Variants in BICRAL observed in about 807,000 individuals in gnomAD.
The protein encoded by BICRAL is BRD4-interacting chromatin-remodeling complex-associated protein-like.
BICRAL carries 8 observed loss-of-function variants against 91.8 expected under a neutral mutation model. The observed-to-expected ratio is 0.09, with a 90% CI of 0.05 to 0.16. BICRAL has a LOEUF of 0.16. Among genes scored for constraint, BICRAL ranks in the 10% least tolerant of loss-of-function variants. The probability of loss-of-function intolerance (pLI) is 1.00; values close to 1 mark genes in which losing one functional copy is unlikely to be tolerated. For missense variants in BICRAL, 1,038 were observed against 1,310.9 expected, an observed-to-expected ratio of 0.79 and a Z score of 3.21; for synonymous variants, 445 against 491.1, an observed-to-expected ratio of 0.91 and a Z score of 1.24.
At chr6:42,804,345 A>T (rs1429240412) in intron 1 of BICRAL, among the ~76,000 whole-genome samples, 1 of 152,172 alleles carries the variant, frequency 6.6e-6, no homozygotes, top group Non-Finnish European at 1.5e-5. Context: ...TTAAGGGACC[A>T]TAATCATATA....
At position 42,814,499 on chromosome 6, in the gene BICRAL, G is replaced by A. The variant is rs4276487; in HGVS notation, c.-6+4098G>A. Among the ~76,000 whole-genome samples the A allele has an allele frequency of 3.5e-3, 214 of 61,268 alleles. 5 individuals carry two copies. The highest frequency in any genetic ancestry group is 0.033 in the East Asian group (66 of 1,996). 40.2% of individuals were successfully genotyped at this position (61,268 alleles called of 152,430 possible). A position where few individuals can be genotyped will look rare whatever the true frequency, so the allele number is the denominator to read the frequency against. ...CATGCATGTGTGTGTGTGTGTGTGT[G>A]TATATATATATATATATATATTTTT... On this transcript the variant is annotated intron_variant, in intron 2 of 12. Coordinates refer to ENST00000314073, the MANE Select transcript of BICRAL (RefSeq NM_001393499.1).
chr6:42,849,230 G>C (rs1428409387), intron 6 of BICRAL, among the ~76,000 whole-genome samples: 2 of 152,040 alleles, frequency 1.3e-5, no homozygotes, highest in African/African-American at 4.8e-5. Flanking sequence ...TGAGACCACA[G>C]GCATGTGCCA....
rs1207429482 is a variant in BICRAL at position 42,794,794 on chromosome 6, C to CAAA, written c.-102+12709_-102+12711dup. ...TGAAACCCCCTCTCTACTAAAAATACAAAAAAAAAAAAAAAAAATAGCCGG... is the reference window on the plus strand; with the variant it reads ...TGAAACCCCCTCTCTACTAAAAATACAAAAAAAAAAAAAAAAAAAAATAGCCGG... On this transcript the variant is annotated intron_variant, in intron 1 of 12. Coordinates refer to ENST00000314073, the MANE Select transcript of BICRAL (RefSeq NM_001393499.1). 2.4e-3 allele frequency among the ~76,000 whole-genome samples: 233 copies of CAAA among 95,210 alleles called. 3 individuals carry two copies. Among genetic ancestry groups the CAAA allele is most frequent in the African/African-American group, 5.3e-3 (122 of 22,926 alleles). 62.5% of individuals were successfully genotyped at this position (95,210 alleles called of 152,430 possible).
Position 42,858,438 on chromosome 6 carries a change from C to A in BICRAL, c.2254+1202C>A, listed in dbSNP as rs573154561. ...GGCTGAGGCAGGAGAATCGTTTGAA[C>A]CTGGAAGGCAGAGGTTGCAGTGAGC... is the stretch of plus-strand genomic sequence containing the variant. On this transcript the variant is annotated intron_variant, in intron 10 of 12. Transcript: ENST00000314073. Among the ~76,000 whole-genome samples, 15 of 149,654 alleles carry A rather than the reference C, an allele frequency of 1.0e-4. No individual in the cohort carries two copies. In the South Asian group the frequency reaches 3.2e-3, roughly 32 times the overall value.
intron 1 of BICRAL, among the ~76,000 whole-genome samples, chr6:42,772,887 T>G (rs1273093920): frequency 6.6e-6 from 1 of 152,080 alleles, no homozygotes; most frequent in East Asian, 1.9e-4. Flanking sequence ...AAGCTTCACC[T>G]CCGCCCTGTG....
intron 1 of BICRAL, among the ~76,000 whole-genome samples, chr6:42,782,343 T>G (rs868861021): frequency 0.057 from 965 of 16,970 alleles, 54 homozygotes; most frequent in African/African-American, 0.17. Flanking sequence ...TTTTTTTTTT[T>G]GGGGGGGGGT....
chr6:42,770,446 C>T (rs1191222761), intron 1 of BICRAL, among the ~76,000 whole-genome samples: 1 of 138,944 alleles, frequency 7.2e-6, no homozygotes, highest in Non-Finnish European at 1.5e-5. Context: ...CGGAGCCTTG[C>T]TCATATTGCC....
At chr6:42,798,275 C>G (rs1279180373) in intron 1 of BICRAL, among the ~76,000 whole-genome samples, 1 of 151,916 alleles carries the variant, frequency 6.6e-6, no homozygotes, top group African/African-American at 2.4e-5. Context: ...ACTGAAAGCC[C>G]AATCCCCACC....
chr6:42,784,065 A>T (rs1763029256), intron 1 of BICRAL, among the ~76,000 whole-genome samples: 1 of 152,278 alleles, frequency 6.6e-6, no homozygotes. Flanking sequence ...CTCTAAAACA[A>T]CCCTGAGGAG....
intron 1 of BICRAL, among the ~76,000 whole-genome samples, chr6:42,799,989 C>T (rs886578541): frequency 1.3e-5 from 2 of 152,086 alleles, no homozygotes; most frequent in Admixed American, 6.6e-5. Context: ...GAGCAATTCT[C>T]CTGCCTCAGC....
At chr6:42,817,852 C>T (rs899290711) in intron 2 of BICRAL, among the ~76,000 whole-genome samples, 4 of 151,328 alleles carry the variant, frequency 2.6e-5, no homozygotes, top group African/African-American at 7.3e-5. Context: ...AGAATACCCA[C>T]GTGACAGCTG....
chr6:42,792,588 C>T lies in BICRAL; in HGVS notation c.-102+10487C>T, dbSNP rs569492767. Among the ~76,000 whole-genome samples, 4 of 151,970 alleles carry T rather than the reference C, an allele frequency of 2.6e-5. No individual in the cohort carries two copies. In the South Asian group the frequency reaches 8.3e-4, roughly 32 times the overall value. Reference sequence around the variant, plus strand: ...CCGCTTGGCCTAGATTTCATTTAACCCTGAGACTTTTTAGAAGTGCAAATA... The same window carrying T: ...CCGCTTGGCCTAGATTTCATTTAACTCTGAGACTTTTTAGAAGTGCAAATA... On this transcript the variant is annotated intron_variant, in intron 1 of 12. Coordinates refer to ENST00000314073, the MANE Select transcript of BICRAL (RefSeq NM_001393499.1).
At position 42,858,388 on chromosome 6, in the gene BICRAL, C is replaced by T. The variant is rs1315766562; in HGVS notation, c.2254+1152C>T. Among the ~76,000 whole-genome samples the T allele has an allele frequency of 6.6e-5, 10 of 150,428 alleles. No homozygotes were observed. In the East Asian group the frequency reaches 8.1e-4, roughly 12 times the overall value. On this transcript the variant is annotated intron_variant, in intron 10 of 12. Coordinates refer to ENST00000314073, the MANE Select transcript of BICRAL (RefSeq NM_001393499.1). ...AAAATTAGCTGGGCGTGGTGGCACACGCCTTCAGTCCCAGCTACTTGGGAG... is the reference window on the plus strand; with the variant it reads ...AAAATTAGCTGGGCGTGGTGGCACATGCCTTCAGTCCCAGCTACTTGGGAG...
intron 5 of BICRAL, among the ~76,000 whole-genome samples, chr6:42,826,096 G>GA (rs1316032501): frequency 7.2e-6 from 1 of 138,034 alleles, no homozygotes; most frequent in Non-Finnish European, 1.7e-5. Flanking sequence ...GGGGAAAAAA[G>GA]AAAAAAAGAT....
chr6:42,751,357 A>G (rs547448037), intron 1 of BICRAL, among the ~76,000 whole-genome samples: 71 of 152,134 alleles, frequency 4.7e-4, no homozygotes, highest in Non-Finnish European at 7.8e-4. Context: ...TTTGTTCAGT[A>G]GAGTTTCCCA....
chr6:42,807,196 T>G (rs1172800365), intron 1 of BICRAL, among the ~76,000 whole-genome samples: 1 of 151,946 alleles, frequency 6.6e-6, no homozygotes, highest in African/African-American at 2.4e-5. Flanking sequence ...TATTTAGTTA[T>G]TTATTTTGAG....
chr6:42,800,394 C>G (rs1336119604), intron 1 of BICRAL, among the ~76,000 whole-genome samples: 1 of 152,028 alleles, frequency 6.6e-6, no homozygotes, highest in South Asian at 2.1e-4. Flanking sequence ...CAACTCCTGA[C>G]CTCAAGTGAT....
At chr6:42,828,468 T>C (rs1764370220) in intron 5 of BICRAL, 25 bp from the exon 6 acceptor site, 2 of 1,572,398 alleles carry the variant, frequency 1.3e-6, no homozygotes, top group Non-Finnish European at 1.7e-6. Flanking sequence ...ACATATGCCA[T>C]GTAACATACT....
chr6:42,811,606 C>T (rs185893428), intron 2 of BICRAL, among the ~76,000 whole-genome samples: 4 of 147,312 alleles, frequency 2.7e-5, no homozygotes, highest in African/African-American at 7.5e-5. Context: ...GCTGACAGAG[C>T]GAGACTCCAT....
Sources: gnomAD v4.1 joint callset for allele counts (sites outside exome capture counted in the v4.1 genomes callset) on GRCh38, gnomAD v4.1.1 for gene constraint, MANE v1.5 for transcripts, NCBI Gene and HGNC (gene_info 2026-07-23, HGNC 2026-07-21) for gene names.